Variants in CAMK1D observed in about 807,000 individuals in gnomAD.
CAMK1D encodes the protein calcium/calmodulin-dependent protein kinase type 1D.
In CAMK1D, 9 loss-of-function variants were observed where a neutral mutation model predicts 47.7. That is an observed-to-expected ratio of 0.19 (90% confidence interval 0.11 to 0.33). The LOEUF (loss-of-function observed/expected upper bound fraction) is 0.33. Among genes scored for constraint, CAMK1D ranks in the 10% least tolerant of loss-of-function variants. The probability of loss-of-function intolerance (pLI) is 1.00; values close to 1 mark genes in which losing one functional copy is unlikely to be tolerated. For synonymous variants in CAMK1D, 184 were observed against 184.9 expected (o/e 0.99, Z 0.04); for missense variants, 291 against 488.7 (o/e 0.60, Z 3.81).
At chr10:12,637,813 T>A (rs1408176795) in intron 2 of CAMK1D, among the ~76,000 whole-genome samples, 1 of 152,070 alleles carries the variant, frequency 6.6e-6, no homozygotes, top group Non-Finnish European at 1.5e-5. Flanking sequence ...ACACCAACCA[T>A]ATGGTGGAGA....
chr10:12,795,985 A>G (rs989013682), intron 6 of CAMK1D, among the ~76,000 whole-genome samples: 1 of 152,248 alleles, frequency 6.6e-6, no homozygotes, highest in African/African-American at 2.4e-5. Flanking sequence ...AGATAGCATA[A>G]GGTCCAAGGC....
chr10:12,758,066 G>A (rs1236570009), intron 3 of CAMK1D, among the ~76,000 whole-genome samples: 4 of 151,994 alleles, frequency 2.6e-5, no homozygotes, highest in African/African-American at 9.7e-5. Context: ...GGCCAGGTTG[G>A]TCTTGAGCTC....
intron 3 of CAMK1D, among the ~76,000 whole-genome samples, chr10:12,749,614 A>G (rs1277210618): frequency 6.6e-6 from 1 of 151,088 alleles, no homozygotes; most frequent in African/African-American, 2.5e-5. Flanking sequence ...GCCGAAGTGC[A>G]GTGGCACAGT....
chr10:12,684,496 A>G (rs189516563), intron 3 of CAMK1D, among the ~76,000 whole-genome samples: 3 of 145,542 alleles, frequency 2.1e-5, no homozygotes, highest in African/African-American at 8.0e-5. Flanking sequence ...TAACTAATTT[A>G]AAAAAAAATG....
chr10:12,605,362 GTGTGTA>G (rs1442804039), intron 2 of CAMK1D, among the ~76,000 whole-genome samples: 12 of 151,640 alleles, frequency 7.9e-5, no homozygotes, highest in East Asian at 5.8e-4. Flanking sequence ...GTGTGTGTGT[GTGTGTA>G]TGTGTGTCAA....
rs560593568 is a variant in CAMK1D at position 12,443,704 on chromosome 10, ACTACAGC to A, written c.92+93797_92+93803del. ...GAGTAAAGTGGAGTGATCTTGGCTC[ACTACAGC>A]CTCCGCTCCCCGGGTTCAAGCGATT... On this transcript the variant is annotated intron_variant, in intron 1 of 10. Coordinates refer to ENST00000619168, the MANE Select transcript of CAMK1D (RefSeq NM_153498.4). Among the ~76,000 whole-genome samples, 6 of 152,070 alleles carry A rather than the reference ACTACAGC, an allele frequency of 3.9e-5. No homozygotes were observed. In the East Asian group the frequency reaches 1.2e-3, roughly 29 times the overall value.
intron 1 of CAMK1D, among the ~76,000 whole-genome samples, chr10:12,469,455 G>A (rs776969179): frequency 3.3e-4 from 50 of 152,156 alleles, no homozygotes; most frequent in Middle Eastern, 6.8e-3. Flanking sequence ...TTCCACTGGG[G>A]CATAACCAAG....
chr10:12,351,969 A>T (rs1156571445), intron 1 of CAMK1D, among the ~76,000 whole-genome samples: 1 of 152,238 alleles, frequency 6.6e-6, no homozygotes, highest in Non-Finnish European at 1.5e-5. Context: ...CATAATAATC[A>T]TGGTAATCAT....
At position 12,757,140 on chromosome 10, in the gene CAMK1D, T is replaced by A. The variant is rs533000128; in HGVS notation, c.300-3808T>A. On this transcript the variant is annotated intron_variant, in intron 3 of 10. Transcript: ENST00000619168. The stretch of plus-strand genomic sequence containing the variant: ...GCTATTATGCCATTCATTCACTTTA[T>A]TTTTTTTTGAGACAGGGTCTTGGTC... 1.2e-4 allele frequency among the ~76,000 whole-genome samples: 10 copies of A among 84,544 alleles called. No individual in the cohort carries two copies. The South Asian group carries it at 2.7e-3, about 23-fold the overall frequency. The allele number at this position is 84,544 out of a possible 152,430, so 55.5% of individuals were successfully genotyped here.
intron 1 of CAMK1D, among the ~76,000 whole-genome samples, chr10:12,421,363 G>A (rs1253861332): frequency 6.6e-6 from 1 of 152,130 alleles, no homozygotes; most frequent in Non-Finnish European, 1.5e-5. Context: ...TTTGCCCGAT[G>A]ATGTCCCGGA....
Position 12,825,661 on chromosome 10 carries a change from G to A in CAMK1D, c.1010G>A (p.Ser337Asn), listed in dbSNP as rs565781008. ...SLDSSNASVS[S>N]SLSLASQKDC... ...GACAGTTCAAATGCAAGTGTTTCGA[G>A]CAGCCTCAGTTTGGCCAGCCAAAAA... The change falls in exon 10 of 11, where the codon AGC (serine) becomes AAC (asparagine). Residue 337 changes from serine to asparagine, a missense_variant. Physicochemically the swap from Ser to Asn is conservative, Grantham distance 46. Around this residue, in one of 2 missense-constraint regions of CAMK1D, gnomAD observed 72 missense variants for 64.4 expected, o/e 1.12. Transcript: ENST00000619168. 1.2e-6 allele frequency: 2 copies of A among 1,614,236 alleles called. No homozygotes were observed. Among genetic ancestry groups the A allele is most frequent in the East Asian group, 4.5e-5 (2 of 44,892 alleles).
At chr10:12,685,054 A>G (rs1182966141) in intron 3 of CAMK1D, among the ~76,000 whole-genome samples, 1 of 152,214 alleles carries the variant, frequency 6.6e-6, no homozygotes, top group Admixed American at 6.5e-5. Flanking sequence ...TCACGCCAAC[A>G]CTTTGGGAGG....
intron 2 of CAMK1D, among the ~76,000 whole-genome samples, chr10:12,639,084 G>T (rs1184365426): frequency 6.6e-6 from 1 of 152,262 alleles, no homozygotes; most frequent in Non-Finnish European, 1.5e-5. Flanking sequence ...CCATTTGAAT[G>T]TGTATGTGAA....
At chr10:12,503,013 C>T (rs77982760) in intron 1 of CAMK1D, among the ~76,000 whole-genome samples, 1,843 of 151,244 alleles carry the variant, frequency 0.012, 56 homozygotes, top group South Asian at 0.093. Context: ...CGCATGCACG[C>T]GTGTATATAT....
intron 1 of CAMK1D, among the ~76,000 whole-genome samples, chr10:12,533,109 G>T (rs1835861803): frequency 6.6e-6 from 1 of 152,150 alleles, no homozygotes; most frequent in African/African-American, 2.4e-5. Flanking sequence ...AAGGATAATT[G>T]CTTGAGGGGA....
intron 1 of CAMK1D, among the ~76,000 whole-genome samples, chr10:12,532,221 C>T (rs1835826667): frequency 6.6e-6 from 1 of 151,638 alleles, no homozygotes; most frequent in African/African-American, 2.4e-5. Flanking sequence ...GTCTCCATTC[C>T]TTTATTCAAA....
At chr10:12,671,234 G>T (rs1464700515) in intron 3 of CAMK1D, among the ~76,000 whole-genome samples, 1 of 151,892 alleles carries the variant, frequency 6.6e-6, no homozygotes, top group Admixed American at 6.6e-5. Flanking sequence ...TCACTTTTTG[G>T]CTAATATGAA....
chr10:12,426,880 A>C (rs982287994), intron 1 of CAMK1D, among the ~76,000 whole-genome samples: 2 of 152,072 alleles, frequency 1.3e-5, no homozygotes, highest in African/African-American at 4.8e-5. Context: ...ACGCCCAGCT[A>C]ATTTTTGTAA....
In CAMK1D at chr10:12,627,174, C is replaced by T. The variant is rs374922152; in HGVS notation, c.225-39562C>T. On this transcript the variant is annotated intron_variant, in intron 2 of 10. Transcript: ENST00000619168. Reference sequence around the variant, plus strand: ...TCCGCTCACTGCAAGCTCCGCCTCCCGGGTTCACACCATTCTCCTGCCTCA... The same window carrying T: ...TCCGCTCACTGCAAGCTCCGCCTCCTGGGTTCACACCATTCTCCTGCCTCA... Among the ~76,000 whole-genome samples, 26 of 151,380 alleles carry T rather than the reference C, an allele frequency of 1.7e-4. No individual in the cohort carries two copies. The East Asian group carries it at 4.5e-3, about 26-fold the overall frequency.
Sources: gnomAD v4.1 joint callset for allele counts (sites outside exome capture counted in the v4.1 genomes callset) on GRCh38, gnomAD v4.1.1 for gene constraint, gnomAD v4.1.1 regional missense constraint, MANE v1.5 for transcripts, NCBI Gene and HGNC (gene_info 2026-07-23, HGNC 2026-07-21) for gene names.